PCDH15: variants seen among roughly 807,000 people sequenced by gnomAD.
PCDH15 encodes the protein protocadherin-15.
PCDH15 carries 129 observed loss-of-function variants against 178.5 expected under a neutral mutation model. The ratio of observed to expected loss-of-function variants is 0.72; its 90% CI spans 0.63 to 0.84. The LOEUF (loss-of-function observed/expected upper bound fraction) is 0.84. PCDH15 is among the 40% of genes least tolerant of loss of function. PCDH15 has a pLI of 0.00. For missense variants in PCDH15, 2,230 were observed against 2,099.9 expected (o/e 1.06, Z -1.21); for synonymous variants, 800 against 732.0 (o/e 1.09, Z -1.50).
At chr10:54,868,858 T>C (rs1020369592) in intron 3 of PCDH15, among the ~76,000 whole-genome samples, 1 of 152,126 alleles carries the variant, frequency 6.6e-6, no homozygotes, top group Non-Finnish European at 1.5e-5. Flanking sequence ...GTTGTCTTGG[T>C]GGACATATAA....
chr10:55,273,768 T>C (rs1353235431), intron 1 of PCDH15, among the ~76,000 whole-genome samples: 7 of 152,162 alleles, frequency 4.6e-5, no homozygotes, highest in Non-Finnish European at 1.0e-4. Context: ...AAGAGCTGTG[T>C]ATATTCTCAC....
intron 2 of PCDH15, among the ~76,000 whole-genome samples, chr10:55,453,755 T>C (rs1311225639): frequency 6.6e-6 from 1 of 152,070 alleles, no homozygotes; most frequent in Non-Finnish European, 1.5e-5. Flanking sequence ...AAGCCAACCT[T>C]CATGCTCTCC....
At chr10:55,269,481 C>T (rs1351633220) in intron 1 of PCDH15, among the ~76,000 whole-genome samples, 1 of 151,978 alleles carries the variant, frequency 6.6e-6, no homozygotes, top group African/African-American at 2.4e-5. Context: ...TTTCTATACA[C>T]CAATAATGTT....
chr10:54,145,764 GGGACTCATGGGCTATATCT>G (rs2043845301), intron 14 of PCDH15, among the ~76,000 whole-genome samples: 1 of 152,028 alleles, frequency 6.6e-6, no homozygotes, highest in Admixed American at 6.6e-5. Flanking sequence ...GTACAGAGGT[GGGACTCATGGGCTATATCT>G]GTTGATATAA....
At chr10:53,889,748 T>C (rs1366840119) in intron 26 of PCDH15, among the ~76,000 whole-genome samples, 1 of 152,158 alleles carries the variant, frequency 6.6e-6, no homozygotes, top group Non-Finnish European at 1.5e-5. Context: ...GGACAGTATA[T>C]AGGATATATT....
intron 2 of PCDH15, among the ~76,000 whole-genome samples, chr10:55,478,437 C>T (rs1038750664): frequency 1.3e-5 from 2 of 151,428 alleles, no homozygotes; most frequent in East Asian, 3.9e-4. Context: ...TTTAAAAATT[C>T]CTGAGATGAA....
chr10:55,552,218 C>A (rs1842015896), intron 2 of PCDH15, among the ~76,000 whole-genome samples: 2 of 151,520 alleles, frequency 1.3e-5, no homozygotes, highest in African/African-American at 2.4e-5. Context: ...AACAATATAT[C>A]AATTTTTTCT....
intron 3 of PCDH15, among the ~76,000 whole-genome samples, chr10:54,424,838 A>T (rs891103712): frequency 7.9e-6 from 1 of 126,748 alleles, no homozygotes; most frequent in Non-Finnish European, 1.6e-5. Flanking sequence ...GAAGGGGAAC[A>T]TCACACACTG....
intron 13 of PCDH15, among the ~76,000 whole-genome samples, chr10:54,157,235 G>T (rs1305019480): frequency 6.6e-6 from 1 of 152,262 alleles, no homozygotes; most frequent in African/African-American, 2.4e-5. Flanking sequence ...CCCTAGCAGA[G>T]GTTCTCCAGG....
intron 2 of PCDH15, among the ~76,000 whole-genome samples, chr10:54,581,003 T>C (rs775773582): frequency 3.9e-5 from 6 of 152,014 alleles, no homozygotes; most frequent in Non-Finnish European, 8.8e-5. Context: ...TCATACTGAA[T>C]GGGCAAAAGC....
At chr10:54,058,700 T>TTC (rs778441399) in intron 18 of PCDH15, among the ~76,000 whole-genome samples, 53 of 55,856 alleles carry the variant, frequency 9.5e-4, no homozygotes, top group South Asian at 2.6e-3. Flanking sequence ...CTTTCTTTCT[T>TTC]TTTTTTTTTT....
rs111970538 is a variant in PCDH15, at chr10:54,191,720, A to G, written c.1305+3963T>C. On this transcript the variant is annotated intron_variant, in intron 11 of 37. Transcript: ENST00000644397. ...CAGGAGTTCCAGACCAACCTGGCCA[A>G]CATGGTGAAACACTGTCTCTACAAA... Among the ~76,000 whole-genome samples, 1,432 of 149,824 alleles carry G rather than the reference A, an allele frequency of 9.6e-3. 25 individuals are homozygous for G. Among genetic ancestry groups the G allele is most frequent in the African/African-American group, 0.033 (1,333 of 40,488 alleles).
chr10:53,806,939 G>T lies in PCDH15; in HGVS notation c.4863C>A (p.Asp1621Glu), dbSNP rs1395538084. The T allele has an allele frequency of 3.7e-6, 6 of 1,613,692 alleles. No individual in the cohort carries two copies. Among genetic ancestry groups the T allele is most frequent in the Non-Finnish European group, 5.1e-6 (6 of 1,179,832 alleles). ...GAACAGGGGAAGCAACTTTTAAGTT[G>T]TCCGTGAGGCAGGCACGGCGGGTTC... ...VVRTRRACLTDNLKVASPVRL... is the reference protein window; with the variant it reads ...VVRTRRACLTENLKVASPVRL... The change falls in exon 38 of 38, where the codon GAC (aspartate) becomes GAA (glutamate). Residue 1621 changes from aspartate to glutamate, a missense_variant. Coordinates refer to ENST00000644397, the MANE Select transcript of PCDH15 (RefSeq NM_001384140.1).
Position 55,582,609 on chromosome 10 carries a change from TATATATATATATATATA to T in PCDH15, c.-156+44999_-156+45015del, listed in dbSNP as rs1442237642. Among the ~76,000 whole-genome samples, 160 of 90,602 alleles carry T rather than the reference TATATATATATATATATA, an allele frequency of 1.8e-3. 1 individual carries two copies. Among genetic ancestry groups the T allele is most frequent in the African/African-American group, 8.8e-3 (154 of 17,532 alleles). The allele number at this position is 90,602 out of a possible 152,430, so 59.4% of individuals were successfully genotyped here. On this transcript the variant is annotated intron_variant, in intron 2 of 5. Coordinates refer to the PCDH15 transcript ENST00000613346. ...GTATGTGTATGTGTATATATATATA[TATATATATATATATATA>T]TATTTTTTTTTTTTTGCTATATTTG...
intron 3 of PCDH15, among the ~76,000 whole-genome samples, chr10:54,845,274 A>T (rs1304428788): frequency 1.3e-5 from 2 of 152,034 alleles, no homozygotes; most frequent in East Asian, 3.9e-4. Context: ...TTGCCACATA[A>T]TACCTGGGAG....
At chr10:55,511,030 GT>G (rs929113807) in intron 2 of PCDH15, among the ~76,000 whole-genome samples, 3 of 148,336 alleles carry the variant, frequency 2.0e-5, no homozygotes, top group East Asian at 2.0e-4. Context: ...TGGCTAATTT[GT>G]TTTTTTTGTT....
At chr10:53,856,424 A>G (rs1190748149) in intron 28 of PCDH15, among the ~76,000 whole-genome samples, 1 of 152,052 alleles carries the variant, frequency 6.6e-6, no homozygotes, top group African/African-American at 2.4e-5. Flanking sequence ...TTAAGGAGGC[A>G]GAGGGACATG....
intron 25 of PCDH15, among the ~76,000 whole-genome samples, chr10:53,927,701 C>T (rs1320101354): frequency 6.6e-6 from 1 of 152,074 alleles, no homozygotes; most frequent in African/African-American, 2.4e-5. Context: ...TTCTGAAATA[C>T]ATCTTTCATC....
chr10:54,443,903 G>A (rs1039357751), intron 3 of PCDH15, among the ~76,000 whole-genome samples: 6 of 151,592 alleles, frequency 4.0e-5, no homozygotes, highest in African/African-American at 1.5e-4. Flanking sequence ...TCTGCTATAT[G>A]CTGTCAGCCT....
Sources: allele counts gnomAD v4.1 joint callset (sites outside exome capture counted in the v4.1 genomes callset), GRCh38; gene constraint gnomAD v4.1.1; transcripts MANE v1.5; gene names NCBI Gene and HGNC (gene_info 2026-07-23, HGNC 2026-07-21).